Variants in ZNF385D observed in about 807,000 individuals in gnomAD.
ZNF385D encodes the protein zinc finger protein 385D.
A neutral mutation model predicts 35.8 loss-of-function variants in ZNF385D; 15 were observed. That is an observed-to-expected ratio of 0.42 (90% CI 0.28 to 0.64). The LOEUF (loss-of-function observed/expected upper bound fraction) is 0.64, where lower values mean the gene tolerates loss of function less well. Ranked by LOEUF, ZNF385D falls within the 30% of genes least tolerant of loss-of-function variation. The pLI is 0.23. For synonymous variants in ZNF385D, 212 were observed against 186.8 expected (o/e 1.13, Z -1.10); for missense variants, 474 against 494.6 (o/e 0.96, Z 0.39).
At position 21,414,378 on chromosome 3, in the gene ZNF385D, C is replaced by G. The variant is rs755718764; in HGVS notation, c.*6836G>C. ...TAAAAACTATATTTTTAAAAACACT[C>G]CAACCTTTTTTCAGGACAAAAGAGA... On this transcript the variant is annotated 3_prime_UTR_variant, in exon 8 of 8. Coordinates refer to ENST00000281523, the MANE Select transcript of ZNF385D (RefSeq NM_024697.3). 2.0e-5 allele frequency: 3 copies of G among 152,024 alleles called. No homozygotes were observed. The highest frequency in any genetic ancestry group is 4.4e-5 in the Non-Finnish European group (3 of 67,976). The allele number at this position is 152,024 out of a possible 1,614,324, so 9.4% of individuals were successfully genotyped here. A position where few individuals can be genotyped will look rare whatever the true frequency, so the allele number is the denominator to read the frequency against.
intron 1 of ZNF385D, among the ~76,000 whole-genome samples, chr3:21,745,335 G>A (rs367805182): frequency 2.6e-5 from 4 of 152,202 alleles, no homozygotes; most frequent in African/African-American, 9.6e-5. Flanking sequence ...CCCAGCCAAT[G>A]CCCTAATACA....
intron 3 of ZNF385D, among the ~76,000 whole-genome samples, chr3:22,084,072 C>T (rs908644146): frequency 2.0e-5 from 3 of 152,100 alleles, no homozygotes; most frequent in East Asian, 1.9e-4. Context: ...TACAAGAGCT[C>T]CTGAAGGAAG....
At chr3:21,933,936 A>T (rs977910200) in intron 3 of ZNF385D, among the ~76,000 whole-genome samples, 1 of 144,026 alleles carries the variant, frequency 6.9e-6, no homozygotes, top group Non-Finnish European at 1.5e-5. Flanking sequence ...AAAGGTACTT[A>T]GCAAAGTTGC....
At chr3:22,046,661 A>G (rs370733374) in intron 3 of ZNF385D, among the ~76,000 whole-genome samples, 16 of 152,228 alleles carry the variant, frequency 1.1e-4, no homozygotes, top group Admixed American at 5.9e-4. Context: ...TTTAACCCCT[A>G]TGAAATTTAA....
At chr3:21,910,008 C>T (rs1207050506) in intron 3 of ZNF385D, among the ~76,000 whole-genome samples, 1 of 151,950 alleles carries the variant, frequency 6.6e-6, no homozygotes, top group East Asian at 1.9e-4. Context: ...GCTTCTCAGG[C>T]ACATGCACTA....
At chr3:22,236,386 G>A (rs959215244) in intron 2 of ZNF385D, among the ~76,000 whole-genome samples, 1 of 152,016 alleles carries the variant, frequency 6.6e-6, no homozygotes, top group East Asian at 1.9e-4. Flanking sequence ...GGCTAGAGAA[G>A]AGAGGAGTAA....
chr3:22,186,890 A>T (rs1026213633), intron 2 of ZNF385D, among the ~76,000 whole-genome samples: 11 of 152,196 alleles, frequency 7.2e-5, no homozygotes, highest in African/African-American at 2.7e-4. Flanking sequence ...ATGATTATAA[A>T]CACTTAAATA....
chr3:21,876,204 T>G (rs1438117533), intron 3 of ZNF385D, among the ~76,000 whole-genome samples: 3 of 151,148 alleles, frequency 2.0e-5, no homozygotes, highest in African/African-American at 7.3e-5. Context: ...GGATAGAAAA[T>G]GTTTGGAATT....
At chr3:21,834,306 T>C (rs891841428) in intron 3 of ZNF385D, among the ~76,000 whole-genome samples, 7 of 152,078 alleles carry the variant, frequency 4.6e-5, no homozygotes, top group African/African-American at 1.4e-4. Context: ...ACAGCAAAAC[T>C]CCATCCCCCT....
intron 3 of ZNF385D, among the ~76,000 whole-genome samples, chr3:21,808,028 A>G (rs1460429459): frequency 1.3e-5 from 2 of 152,338 alleles, no homozygotes; most frequent in East Asian, 1.9e-4. Context: ...AGAATTGCTA[A>G]GTAGTATAGA....
At chr3:22,335,379 T>G (rs1284397087) in intron 2 of ZNF385D, among the ~76,000 whole-genome samples, 1 of 152,202 alleles carries the variant, frequency 6.6e-6, no homozygotes, top group Non-Finnish European at 1.5e-5. Context: ...TGAGTGACTG[T>G]TGCTTTTTTA....
Position 21,552,549 on chromosome 3 carries a change from A to G in ZNF385D, c.276+12025T>C, listed in dbSNP as rs538329957. Among the ~76,000 whole-genome samples, 21 of 152,342 alleles carry G rather than the reference A, an allele frequency of 1.4e-4. No homozygotes were observed. In the South Asian group the frequency reaches 3.9e-3, roughly 29 times the overall value. On this transcript the variant is annotated intron_variant, in intron 3 of 7. Transcript: ENST00000281523. ...CATTTATAAAAACATTAGATCTTCT[A>G]TTGAAAAATAAAACTACAGTGTTTA...
chr3:22,156,326 T>G (rs1027889248), intron 3 of ZNF385D, among the ~76,000 whole-genome samples: 5 of 151,984 alleles, frequency 3.3e-5, no homozygotes, highest in Non-Finnish European at 4.4e-5. Flanking sequence ...GTCCTAAAAC[T>G]TGATGGTCAG....
chr3:22,175,447 A>C (rs1434550128), intron 2 of ZNF385D, among the ~76,000 whole-genome samples: 1 of 149,294 alleles, frequency 6.7e-6, no homozygotes, highest in Non-Finnish European at 1.5e-5. Flanking sequence ...GAAATAACTT[A>C]GAAAAAATGA....
At chr3:21,950,894 C>T (rs1702031493) in intron 3 of ZNF385D, among the ~76,000 whole-genome samples, 1 of 151,536 alleles carries the variant, frequency 6.6e-6, no homozygotes. Context: ...TATTTTGTTC[C>T]ATTGGTCTGT....
chr3:21,709,793 C>A (rs2068035145), intron 1 of ZNF385D, among the ~76,000 whole-genome samples: 2 of 152,182 alleles, frequency 1.3e-5, no homozygotes, highest in African/African-American at 4.8e-5. Context: ...AGCTGTCCCA[C>A]TCCTAGGTGT....
intron 2 of ZNF385D, among the ~76,000 whole-genome samples, chr3:22,231,134 A>T (rs1489066863): frequency 6.6e-6 from 1 of 152,158 alleles, no homozygotes; most frequent in East Asian, 1.9e-4. Flanking sequence ...GGGCAAAAGA[A>T]GTTCAAAAAA....
intron 3 of ZNF385D, among the ~76,000 whole-genome samples, chr3:22,126,903 C>A (rs1407825074): frequency 6.6e-6 from 1 of 152,100 alleles, no homozygotes; most frequent in Non-Finnish European, 1.5e-5. Flanking sequence ...TTGATGAATT[C>A]ATTCCTGTAA....
intron 3 of ZNF385D, among the ~76,000 whole-genome samples, chr3:21,798,379 G>A (rs9850363): frequency 0.093 from 14,095 of 152,088 alleles, 722 homozygotes; most frequent in South Asian, 0.12. Flanking sequence ...AGGTCTGTAC[G>A]ACTGAAGTCT....
Sources: allele counts gnomAD v4.1 joint callset (sites outside exome capture counted in the v4.1 genomes callset), GRCh38; gene constraint gnomAD v4.1.1; transcripts MANE v1.5; gene names NCBI Gene and HGNC (gene_info 2026-07-23, HGNC 2026-07-21).